The following CNTN1 variants were observed in gnomAD, a reference collection of about 807,000 sequenced individuals.
The protein encoded by CNTN1 is contactin 1.
A neutral mutation model predicts 126.4 loss-of-function variants in CNTN1; 38 were observed. That is an observed-to-expected ratio of 0.30 (90% CI 0.23 to 0.39). CNTN1 has a LOEUF of 0.39. Among genes scored for constraint, CNTN1 ranks in the 10% least tolerant of loss-of-function variants. The pLI, the probability that CNTN1 is intolerant of heterozygous loss-of-function variation, is 1.00. For synonymous variants in CNTN1, 413 were observed against 422.6 expected, an observed-to-expected ratio of 0.98 and a Z score of 0.28; for missense variants, 1,009 against 1,248.4, an observed-to-expected ratio of 0.81 and a Z score of 2.89.
chr12:40,809,812 T>TCACA lies in CNTN1; in HGVS notation c.-76-98544_-76-98543insACAC, dbSNP rs1491201033. 3.9e-3 allele frequency among the ~76,000 whole-genome samples: 166 copies of TCACA among 42,118 alleles called. 1 individual carries two copies. Among genetic ancestry groups the TCACA allele is most frequent in the African/African-American group, 0.014 (156 of 11,440 alleles). 27.6% of individuals were successfully genotyped at this position (42,118 alleles called of 152,430 possible). Reference sequence around the variant, plus strand: ...GCCTGGGCAACAGAGTGAGACTCTGTCTCACACACACACACACACACACAC... The same window carrying TCACA: ...GCCTGGGCAACAGAGTGAGACTCTGTCACACTCACACACACACACACACACACAC... On this transcript the variant is annotated intron_variant, in intron 1 of 23. Coordinates refer to ENST00000551295, the MANE Select transcript of CNTN1 (RefSeq NM_001843.4).
intron 1 of CNTN1, among the ~76,000 whole-genome samples, chr12:40,786,776 A>G (rs1940038019): frequency 6.6e-6 from 1 of 152,186 alleles, no homozygotes; most frequent in Non-Finnish European, 1.5e-5. Flanking sequence ...CTAAATTGCA[A>G]CAATGGAATC....
At chr12:40,958,966 A>G in intron 14 of CNTN1, 148 bp from the exon 15 acceptor site, 1 of 867,054 alleles carries the variant, frequency 1.2e-6, no homozygotes, top group East Asian at 2.7e-5. Context: ...ACTGAAGCCT[A>G]GAGCAAGGAC....
At chr12:40,796,823 G>C (rs952035635) in intron 1 of CNTN1, among the ~76,000 whole-genome samples, 5 of 152,088 alleles carry the variant, frequency 3.3e-5, no homozygotes, top group African/African-American at 9.7e-5. Flanking sequence ...TCAGGACTGT[G>C]TGTGTCTAGG....
At chr12:40,864,857 G>A (rs1943245426) in intron 1 of CNTN1, among the ~76,000 whole-genome samples, 1 of 152,196 alleles carries the variant, frequency 6.6e-6, no homozygotes, top group African/African-American at 2.4e-5. Context: ...AATTAAGGGT[G>A]GAATTGCTGG....
chr12:40,957,273 A>G (rs1946920698), intron 14 of CNTN1, among the ~76,000 whole-genome samples: 1 of 152,000 alleles, frequency 6.6e-6, no homozygotes, highest in Non-Finnish European at 1.5e-5. Flanking sequence ...AAGAGAAAGA[A>G]GAGAAAAGAA....
At chr12:40,745,310 A>G (rs1010257687) in intron 1 of CNTN1, among the ~76,000 whole-genome samples, 2 of 152,116 alleles carry the variant, frequency 1.3e-5, no homozygotes, top group Non-Finnish European at 2.9e-5. Flanking sequence ...TGCTGAGAAC[A>G]TGTGCCCAAG....
intron 23 of CNTN1, among the ~76,000 whole-genome samples, chr12:41,050,086 G>A (rs1307369427): frequency 5.3e-5 from 8 of 152,116 alleles, no homozygotes; most frequent in Admixed American, 5.2e-4. Context: ...TTTTAGTAGA[G>A]ACAGGGTTTT....
intron 6 of CNTN1, among the ~76,000 whole-genome samples, chr12:40,928,133 A>G (rs1945758772): frequency 6.6e-6 from 1 of 152,082 alleles, no homozygotes; most frequent in Non-Finnish European, 1.5e-5. Flanking sequence ...AGGAAATACA[A>G]AATTTCTTGA....
At chr12:40,695,750 C>T (rs947547756) in intron 1 of CNTN1, among the ~76,000 whole-genome samples, 12 of 152,164 alleles carry the variant, frequency 7.9e-5, no homozygotes, top group South Asian at 2.1e-4. Flanking sequence ...GCTCTGATAG[C>T]GTACTTTTTT....
In CNTN1 at chr12:41,071,169, A is replaced by G. The variant is rs1950151892; in HGVS notation, c.*1134A>G. 2 of 152,244 alleles carry G rather than the reference A, an allele frequency of 1.3e-5. No individual in the cohort carries two copies. The highest frequency in any genetic ancestry group is 3.9e-4 in the East Asian group (2 of 5,180). The allele number at this position is 152,244 out of a possible 1,614,324, so 9.4% of individuals were successfully genotyped here. A position where few individuals can be genotyped will look rare whatever the true frequency, so the allele number is the denominator to read the frequency against. On this transcript the variant is annotated 3_prime_UTR_variant, in exon 24 of 24. Coordinates refer to ENST00000551295, the MANE Select transcript of CNTN1 (RefSeq NM_001843.4). ...AACTGGCTAAAAATACCAAATCAAT[A>G]TACTGCTAATGGTACTTTGAAGAGT...
chr12:40,846,772 A>G lies in CNTN1; in HGVS notation c.-76-61585A>G, dbSNP rs537875947. ...AGTGGCACATTCTCAGCTCACCAAA[A>G]CCTCCATCTCCTGGGTTCAACTGAT... On this transcript the variant is annotated intron_variant, in intron 1 of 23. Coordinates refer to ENST00000551295, the MANE Select transcript of CNTN1 (RefSeq NM_001843.4). Among the ~76,000 whole-genome samples the G allele has an allele frequency of 2.6e-5, 4 of 151,170 alleles. No homozygotes were observed. The East Asian group carries it at 7.8e-4, about 29-fold the overall frequency.
In CNTN1 at chr12:41,027,980, A is replaced by G; in HGVS notation, c.2823+11A>G. On this transcript the variant is annotated intron_variant, in intron 22 of 23. Coordinates refer to ENST00000551295, the MANE Select transcript of CNTN1 (RefSeq NM_001843.4). ...GTGACGGGATATAAGGTATATACAA[A>G]TAGTGATGATTAATGTTTGCAATTC... is the stretch of plus-strand genomic sequence containing the variant. The G allele has an allele frequency of 6.7e-7, 1 of 1,500,802 alleles. No homozygotes were observed. Among genetic ancestry groups the G allele is most frequent in the Non-Finnish European group, 9.3e-7 (1 of 1,076,864 alleles). 93.0% of individuals were successfully genotyped at this position (1,500,802 alleles called of 1,614,324 possible).
chr12:40,936,545 C>T (rs1946086694), intron 9 of CNTN1, among the ~76,000 whole-genome samples: 1 of 152,052 alleles, frequency 6.6e-6, no homozygotes, highest in South Asian at 2.1e-4. Flanking sequence ...TTCAACAAAA[C>T]ATGATTTACA....
intron 1 of CNTN1, among the ~76,000 whole-genome samples, chr12:40,760,288 C>T (rs1024967510): frequency 1.3e-5 from 2 of 152,130 alleles, no homozygotes; most frequent in African/African-American, 4.8e-5. Context: ...TACATCTGTA[C>T]ATCCTTCTTC....
intron 23 of CNTN1, among the ~76,000 whole-genome samples, chr12:41,068,133 A>C (rs1412394067): frequency 6.6e-6 from 1 of 152,188 alleles, no homozygotes; most frequent in East Asian, 1.9e-4. Context: ...TGGCCTTTGC[A>C]GCTGGACAAA....
intron 17 of CNTN1, among the ~76,000 whole-genome samples, chr12:41,007,402 A>G (rs278902): frequency 0.12 from 18,798 of 152,094 alleles, 2,306 homozygotes; most frequent in African/African-American, 0.32. Context: ...TATTTAAAGA[A>G]ATGGATATGA....
intron 1 of CNTN1, among the ~76,000 whole-genome samples, chr12:40,844,821 T>A (rs1045464812): frequency 6.6e-6 from 1 of 152,232 alleles, no homozygotes; most frequent in African/African-American, 2.4e-5. Flanking sequence ...CTTAATTGTA[T>A]AATTATTGAT....
At chr12:40,714,315 G>T (rs552282834) in intron 1 of CNTN1, among the ~76,000 whole-genome samples, 2 of 152,054 alleles carry the variant, frequency 1.3e-5, no homozygotes, top group African/African-American at 4.8e-5. Flanking sequence ...TGGGTTGCTG[G>T]ATAGTAACTG....
chr12:41,035,479 T>C (rs1401950397), intron 23 of CNTN1, among the ~76,000 whole-genome samples: 1 of 152,196 alleles, frequency 6.6e-6, no homozygotes, highest in Non-Finnish European at 1.5e-5. Flanking sequence ...TGCTGGGCTA[T>C]TGGTTACAAT....
Sources: allele counts gnomAD v4.1 joint callset (sites outside exome capture counted in the v4.1 genomes callset), GRCh38; gene constraint gnomAD v4.1.1; transcripts MANE v1.5; gene names NCBI Gene and HGNC (gene_info 2026-07-23, HGNC 2026-07-21).